Variants in PXDNL observed in about 807,000 individuals in gnomAD.
The protein encoded by PXDNL is peroxidasin like.
PXDNL carries 145 observed loss-of-function variants against 150.8 expected under a neutral mutation model. That is an observed-to-expected ratio of 0.96 (90% CI 0.84 to 1.10). The LOEUF (loss-of-function observed/expected upper bound fraction) is 1.10. PXDNL is among the 50% of genes least tolerant of loss of function. PXDNL has a pLI of 0.00. For missense variants in PXDNL, 2,087 were observed against 1,873.9 expected (o/e 1.11, Z -2.10); for synonymous variants, 757 against 725.7 (o/e 1.04, Z -0.69).
chr8:51,448,109 A>C (rs1363181715), intron 11 of PXDNL, among the ~76,000 whole-genome samples: 1 of 152,240 alleles, frequency 6.6e-6, no homozygotes, highest in Middle Eastern at 3.2e-3. Context: ...GTAGATTTTG[A>C]ATTTTATTTC....
At chr8:51,466,143 A>T (rs894045390) in intron 8 of PXDNL, among the ~76,000 whole-genome samples, 2 of 152,050 alleles carry the variant, frequency 1.3e-5, no homozygotes. Flanking sequence ...ATTATCCAAC[A>T]TCAAACTATT....
At chr8:51,371,850 GT>G in intron 19 of PXDNL, 22 bp downstream of exon 19, 1 of 1,584,568 alleles carries the variant, frequency 6.3e-7, no homozygotes, top group African/African-American at 1.3e-5. Context: ...AATCCAGATC[GT>G]GCTCATTGCA....
At chr8:51,427,718 A>T (rs189771099) in intron 12 of PXDNL, among the ~76,000 whole-genome samples, 31 of 152,334 alleles carry the variant, frequency 2.0e-4, no homozygotes, top group African/African-American at 7.5e-4. Flanking sequence ...CCTCTCAGAA[A>T]GAAAATAAAA....
chr8:51,640,211 A>C (rs1314439519), intron 2 of PXDNL, among the ~76,000 whole-genome samples: 1 of 152,202 alleles, frequency 6.6e-6, no homozygotes, highest in Non-Finnish European at 1.5e-5. Context: ...TCTCAAAATA[A>C]TAAGAGCTAT....
intron 1 of PXDNL, among the ~76,000 whole-genome samples, chr8:51,795,196 G>T (rs888364418): frequency 6.6e-6 from 1 of 152,090 alleles, no homozygotes; most frequent in Non-Finnish European, 1.5e-5. Flanking sequence ...AATAATAGTG[G>T]GAGACTTTAA....
chr8:51,344,970 A>C (rs114805817), intron 20 of PXDNL, among the ~76,000 whole-genome samples: 1 of 152,142 alleles, frequency 6.6e-6, no homozygotes, highest in Non-Finnish European at 1.5e-5. Flanking sequence ...CAATTTTAAA[A>C]CTTAGAGTAC....
intron 1 of PXDNL, among the ~76,000 whole-genome samples, chr8:51,762,087 A>T (rs2037171765): frequency 6.6e-6 from 1 of 152,228 alleles, no homozygotes; most frequent in Non-Finnish European, 1.5e-5. Flanking sequence ...CATCCATTGA[A>T]TAAATGAGCT....
chr8:51,549,997 G>A (rs1049040233), intron 4 of PXDNL, among the ~76,000 whole-genome samples: 1 of 152,122 alleles, frequency 6.6e-6, no homozygotes, highest in African/African-American at 2.4e-5. Context: ...TGAAATGGGT[G>A]ATATTAAAAC....
At chr8:51,525,106 G>A (rs1468775615) in intron 4 of PXDNL, among the ~76,000 whole-genome samples, 2 of 150,224 alleles carry the variant, frequency 1.3e-5, no homozygotes, top group African/African-American at 2.5e-5. Context: ...CTAAGTTTAT[G>A]TGTCACCTTT....
chr8:51,705,221 A>T (rs1816352356), intron 1 of PXDNL, among the ~76,000 whole-genome samples: 1 of 152,048 alleles, frequency 6.6e-6, no homozygotes, highest in Non-Finnish European at 1.5e-5. Flanking sequence ...CCTCTAGGAG[A>T]CCTCTGCCCC....
At chr8:51,747,001 C>T (rs991756870) in intron 1 of PXDNL, among the ~76,000 whole-genome samples, 1 of 152,012 alleles carries the variant, frequency 6.6e-6, no homozygotes, top group Admixed American at 6.5e-5. Flanking sequence ...GGGATTAAAG[C>T]GTGAGCCACT....
At chr8:51,556,732 A>C in intron 4 of PXDNL, 108 bp downstream of exon 4, 2 of 685,408 alleles carry the variant, frequency 2.9e-6, no homozygotes, top group Non-Finnish European at 5.3e-6. Context: ...TTCAAGCCAC[A>C]TGGAGAAGCT....
At chr8:51,416,101 T>C (rs1486104177) in intron 14 of PXDNL, among the ~76,000 whole-genome samples, 3 of 152,232 alleles carry the variant, frequency 2.0e-5, no homozygotes, top group East Asian at 1.9e-4. Flanking sequence ...ACTCCTTCAC[T>C]TTTGGACCTC....
rs368106049 is a variant in PXDNL at position 51,453,632 on chromosome 8, G to A, written c.1136C>T (p.Thr379Met). The change falls in exon 10 of 23, where the codon ACG becomes ATG. Residue 379 changes from threonine to methionine, a missense_variant. Transcript: ENST00000356297. ...GTTCTGTAAGTAAAGTCCACTGGAC[G>A]TTGCCACGTGCCTGGATCCATCCAG... Reference protein sequence around the residue: ...LELDGSRHVATSSGLYLQNIT... With the variant: ...LELDGSRHVAMSSGLYLQNIT... The A allele has an allele frequency of 7.9e-5, 128 of 1,613,970 alleles. 1 individual carries two copies. The South Asian group carries it at 1.0e-3, about 13-fold the overall frequency.
At chr8:51,568,805 T>C (rs1312068290) in intron 3 of PXDNL, among the ~76,000 whole-genome samples, 1 of 151,900 alleles carries the variant, frequency 6.6e-6, no homozygotes, top group African/African-American at 2.4e-5. Context: ...CTTTTTCTCT[T>C]TGTATTTCAG....
At chr8:51,548,688 G>A (rs966470260) in intron 4 of PXDNL, among the ~76,000 whole-genome samples, 1 of 152,058 alleles carries the variant, frequency 6.6e-6, no homozygotes, top group Non-Finnish European at 1.5e-5. Context: ...GCTAACTCTT[G>A]AAACAAACCC....
chr8:51,357,383 C>T (rs753601798), intron 19 of PXDNL, among the ~76,000 whole-genome samples: 1 of 152,174 alleles, frequency 6.6e-6, no homozygotes, highest in Admixed American at 6.5e-5. Flanking sequence ...AGTTCCTGTG[C>T]AAATCACAGC....
intron 1 of PXDNL, among the ~76,000 whole-genome samples, chr8:51,793,854 C>A (rs2037536779): frequency 6.6e-6 from 1 of 152,000 alleles, no homozygotes; most frequent in Non-Finnish European, 1.5e-5. Flanking sequence ...GATCATGCCA[C>A]TGCACTACCC....
At chr8:51,656,149 A>G (rs891632918) in intron 1 of PXDNL, among the ~76,000 whole-genome samples, 1 of 152,158 alleles carries the variant, frequency 6.6e-6, no homozygotes, top group African/African-American at 2.4e-5. Flanking sequence ...ACTTCCCCTC[A>G]ATTAATTTCT....
Sources: gnomAD v4.1 joint callset for allele counts (sites outside exome capture counted in the v4.1 genomes callset) on GRCh38, gnomAD v4.1.1 for gene constraint, MANE v1.5 for transcripts, NCBI Gene and HGNC (gene_info 2026-07-23, HGNC 2026-07-21) for gene names.